The following C22orf31 variants were observed in gnomAD, a reference collection of about 807,000 sequenced individuals.
C22orf31 encodes the protein chromosome 22 open reading frame 31.
In C22orf31, 11 loss-of-function variants were observed where a neutral mutation model predicts 15.0. The observed-to-expected ratio is 0.73, with a 90% confidence interval of 0.46 to 1.21. The LOEUF (loss-of-function observed/expected upper bound fraction) is 1.21, where lower values mean the gene tolerates loss of function less well. Ranked by LOEUF, C22orf31 falls within the 50% of genes most tolerant of loss-of-function variation. The probability of loss-of-function intolerance (pLI) is 0.00; values close to 1 mark genes in which losing one functional copy is unlikely to be tolerated. For missense variants in C22orf31, 340 were observed against 347.2 expected (o/e 0.98, Z 0.17); for synonymous variants, 132 against 133.3 (o/e 0.99, Z 0.07).
chr22:29,063,931 G>A (rs1035154479), upstream of C22orf31, among the ~76,000 whole-genome samples: 6 of 152,112 alleles, frequency 3.9e-5, no homozygotes, highest in Admixed American at 2.0e-4. Context: ...GCAGTGGCAC[G>A]ATCTTGGCTC....
the C22orf31 span, among the ~76,000 whole-genome samples, chr22:29,067,100 T>C: frequency 7.9e-5 from 12 of 152,138 alleles, no homozygotes; most frequent in African/African-American, 2.9e-4. Flanking sequence ...TGAAGGAAAA[T>C]CGGGAATACA....
chr22:29,061,279 T>G (rs546877471), intron 1 of C22orf31, among the ~76,000 whole-genome samples: 145 of 152,102 alleles, frequency 9.5e-4, no homozygotes, highest in African/African-American at 3.4e-3. Flanking sequence ...TTTTTGTGTG[T>G]GGGGGGGACG....
chr22:29,063,185 G>A (rs539757057), upstream of C22orf31, among the ~76,000 whole-genome samples: 4 of 152,074 alleles, frequency 2.6e-5, no homozygotes, highest in East Asian at 7.8e-4. Flanking sequence ...ACTCTGCTTG[G>A]TCTTTTACTC....
chr22:29,059,667 C>T, intron 2 of C22orf31: 1 of 984,232 alleles, frequency 1.0e-6, no homozygotes, highest in Non-Finnish European at 1.2e-6. Flanking sequence ...CTGCTGGCCA[C>T]CACGGGGTAA....
chr22:29,071,590 C>A, the C22orf31 span, among the ~76,000 whole-genome samples: 1 of 152,164 alleles, frequency 6.6e-6, no homozygotes, highest in South Asian at 2.1e-4. Flanking sequence ...ACTTGCAAGC[C>A]CGGGACCAGG....
Position 29,060,399 on chromosome 22 carries a change from A to G in C22orf31, c.432+16T>C. 6.2e-7 allele frequency: 1 copy of G among 1,600,230 alleles called. No individual in the cohort carries two copies. Among genetic ancestry groups the G allele is most frequent in the Non-Finnish European group, 8.5e-7 (1 of 1,173,932 alleles). On this transcript the variant is annotated intron_variant, in intron 2 of 2. Transcript: ENST00000216071. ...CCTCGCCAGTCACATTTTCCCCACC[A>G]CTGGTCCTCGTCTACCTCTCTGATG...
At chr22:29,067,739 C>T in the C22orf31 span, among the ~76,000 whole-genome samples, 2 of 152,144 alleles carry the variant, frequency 1.3e-5, no homozygotes, top group Non-Finnish European at 2.9e-5. Flanking sequence ...CCACCGTGCC[C>T]AGGCTATTAT....
At chr22:29,063,599 C>T (rs560049753), upstream of C22orf31, among the ~76,000 whole-genome samples, 2 of 152,354 alleles carry the variant, frequency 1.3e-5, no homozygotes, top group East Asian at 1.9e-4. Flanking sequence ...AGGTAACCCT[C>T]AGCCTTCCTT....
chr22:29,060,669 A>C lies in C22orf31; in HGVS notation c.178T>G (p.Ser60Ala). ...NINAPAPATTSSWEVVRNPLI... is the reference protein window; with the variant it reads ...NINAPAPATTASWEVVRNPLI... ...GGGTTCCTTACAACTTCCCAAGAGG[A>C]AGTGGTAGCTGGTGCTGGGGCATTA... The change falls in exon 2 of 3, where the codon TCC becomes GCC. Residue 60 changes from serine to alanine, a missense_variant. Physicochemically the swap from Ser to Ala is moderately conservative, Grantham distance 99 (BLOSUM62 1). Coordinates refer to ENST00000216071, the MANE Select transcript of C22orf31 (RefSeq NM_015370.2). 3 of 1,614,114 alleles carry C rather than the reference A, an allele frequency of 1.9e-6. No homozygotes were observed. The highest frequency in any genetic ancestry group is 2.5e-6 in the Non-Finnish European group (3 of 1,180,026).
At chr22:29,062,028 A>G (rs1052798600), upstream of C22orf31, among the ~76,000 whole-genome samples, 12 of 151,976 alleles carry the variant, frequency 7.9e-5, no homozygotes, top group African/African-American at 2.9e-4. Flanking sequence ...TTGGTTTGTG[A>G]TGTGGGTGTG....
At chr22:29,073,396 C>T in the C22orf31 span, among the ~76,000 whole-genome samples, 1 of 151,926 alleles carries the variant, frequency 6.6e-6, no homozygotes, top group African/African-American at 2.4e-5. The surrounding 1 kb of genome is among the most constrained non-coding windows in gnomAD (Gnocchi z 4.4). Context: ...TCCTGGGACC[C>T]GGGCTACCCC....
intron 1 of C22orf31, 103 bp downstream of exon 1, chr22:29,061,687 G>A (rs770211889): frequency 1.5e-5 from 13 of 846,962 alleles, no homozygotes; most frequent in African/African-American, 5.1e-5. Context: ...CATTTCCTGG[G>A]ACCAACTAAG....
chr22:29,059,988 T>C (rs992074214), intron 2 of C22orf31: 3 of 981,854 alleles, frequency 3.1e-6, no homozygotes, highest in Admixed American at 6.2e-5. Context: ...ACTTTAGGAT[T>C]TCCTTCACTT....
the C22orf31 span, among the ~76,000 whole-genome samples, chr22:29,070,216 G>A: frequency 6.6e-6 from 1 of 152,120 alleles, no homozygotes; most frequent in Non-Finnish European, 1.5e-5. Flanking sequence ...CTAAATGTTG[G>A]GATTACAGGC....
chr22:29,073,139 G>T, the C22orf31 span: 2 of 1,083,186 alleles, frequency 1.8e-6, no homozygotes, highest in Non-Finnish European at 2.2e-6. This position sits in a 1 kb window ranked among gnomAD's most constrained non-coding sequence, Gnocchi z 4.4. Context: ...CCATGGCGCC[G>T]CCAGCCGCCC....
the C22orf31 span, among the ~76,000 whole-genome samples, chr22:29,068,639 T>C: frequency 2.0e-5 from 3 of 151,600 alleles, no homozygotes; most frequent in African/African-American, 2.4e-5. Flanking sequence ...CTCGATCTCC[T>C]GACCTCATGA....
upstream of C22orf31, among the ~76,000 whole-genome samples, chr22:29,066,819 C>T (rs149391101): frequency 2.6e-3 from 395 of 152,158 alleles, 9 homozygotes; most frequent in East Asian, 0.056. Flanking sequence ...CCTCGGCCTC[C>T]CAAAGTGCTG....
upstream of C22orf31, among the ~76,000 whole-genome samples, chr22:29,062,592 A>G (rs148752859): frequency 0.021 from 3,161 of 152,260 alleles, 104 homozygotes; most frequent in Admixed American, 0.099. Flanking sequence ...AAAATGCCTC[A>G]GGAGCCTCCC....
upstream of C22orf31, among the ~76,000 whole-genome samples, chr22:29,066,612 G>C (rs1458436116): frequency 7.9e-6 from 1 of 126,074 alleles, no homozygotes; most frequent in Non-Finnish European, 1.6e-5. Flanking sequence ...CAAGGGTGGA[G>C]TGCAGTGGCA....
Sources: allele counts gnomAD v4.1 joint callset (sites outside exome capture counted in the v4.1 genomes callset), GRCh38; gene constraint gnomAD v4.1.1; non-coding constraint Gnocchi (gnomAD v3.1); transcripts MANE v1.5; gene names NCBI Gene and HGNC (gene_info 2026-07-23, HGNC 2026-07-21).